DDX42: variants seen among roughly 807,000 people sequenced by gnomAD.
The protein encoded by DDX42 is ATP-dependent RNA helicase DDX42.
Under a neutral mutation model 101.5 loss-of-function variants are expected in DDX42, and 22 were observed. The observed-to-expected ratio is 0.22, with a 90% CI of 0.15 to 0.31. The LOEUF (loss-of-function observed/expected upper bound fraction) is 0.31. Ranked by LOEUF, DDX42 falls within the 10% of genes least tolerant of loss-of-function variation. The pLI, the probability that DDX42 is intolerant of heterozygous loss-of-function variation, is 1.00. For missense variants in DDX42, 849 were observed against 1,199.9 expected (o/e 0.71, Z 4.32); for synonymous variants, 402 against 401.2 (o/e 1.00, Z -0.02).
chr17:63,811,995 C>T lies in DDX42; in HGVS notation c.1462C>T (p.Leu488Phe). Residue 488 changes from leucine (L) to phenylalanine (F), a missense_variant, in exon 14 of 18, where the codon CTT (leucine) becomes TTT (phenylalanine). By Grantham distance (22) the Leu-to-Phe change is conservative. Around this residue, in one of 5 missense-constraint regions of DDX42, gnomAD observed 370 missense variants for 608.8 expected, o/e 0.61. Transcript: ENST00000389924. ...LHSGPSKWNW[L>F]TRRLVEFTSS... ...TTCTGGACCTAGTAAATGGAACTGG[C>T]TTACCCGGCGTCTGGTAGAATTTAC... 4 of 1,614,210 alleles carry T rather than the reference C, an allele frequency of 2.5e-6. No individual in the cohort carries two copies. The highest frequency in any genetic ancestry group is 1.1e-5 in the South Asian group (1 of 91,082).
Position 63,813,244 on chromosome 17 carries a change from T to G in DDX42, c.1692T>G (p.Ile564Met), listed in dbSNP as rs1567745766. Reference sequence around the variant, plus strand: ...TTATTTCAGCCCGTGGTCTGGACATTCCTTCAATTAAGACTGTCATTAACT... The same window carrying G: ...TTATTTCAGCCCGTGGTCTGGACATGCCTTCAATTAAGACTGTCATTAACT... ...ATDVAARGLDIPSIKTVINYD... is the reference protein window; with the variant it reads ...ATDVAARGLDMPSIKTVINYD... Residue 564 changes from isoleucine (I) to methionine (M), a missense_variant, in exon 15 of 18, where the codon ATT becomes ATG. Around this residue, in one of 5 missense-constraint regions of DDX42, gnomAD observed 370 missense variants for 608.8 expected, o/e 0.61. Coordinates refer to ENST00000389924, the MANE Select transcript of DDX42 (RefSeq NM_203499.3). 6.2e-7 allele frequency: 1 copy of G among 1,606,748 alleles called. No homozygotes were observed. Among genetic ancestry groups the G allele is most frequent in the Admixed American group, 1.7e-5 (1 of 59,650 alleles).
chr17:63,783,372 G>T (rs945318345), intron 1 of DDX42, among the ~76,000 whole-genome samples: 2 of 151,998 alleles, frequency 1.3e-5, no homozygotes, highest in Non-Finnish European at 2.9e-5. Flanking sequence ...TCCTTTCTTT[G>T]CCTTCTCATC....
In DDX42 at chr17:63,787,124, A is replaced by G. The variant is rs1187229282; in HGVS notation, c.75A>G (p.Lys25=). 6.2e-7 allele frequency: 1 copy of G among 1,614,100 alleles called. No individual in the cohort carries two copies. The highest frequency in any genetic ancestry group is 1.3e-5 in the African/African-American group (1 of 74,934). The part of the protein sequence containing the change: ...GFGGFAISAG[K]KEEPKLPQQS... ...GAGGTTTTGCCATCAGTGCTGGGAA[A>G]AAGGAGGAACCCAAACTCCCACAGC... is the stretch of plus-strand genomic sequence containing the variant. Residue 25 remains lysine, a synonymous_variant, in exon 2 of 18, where the codon AAA becomes AAG. Coordinates refer to ENST00000389924, the MANE Select transcript of DDX42 (RefSeq NM_203499.3).
intron 2 of DDX42, among the ~76,000 whole-genome samples, chr17:63,790,487 A>C (rs576103187): frequency 2.0e-5 from 3 of 152,072 alleles, no homozygotes; most frequent in Admixed American, 6.6e-5. Context: ...TGGTCTGGGC[A>C]TGGTGGCTCA....
intron 8 of DDX42, among the ~76,000 whole-genome samples, chr17:63,807,337 C>T (rs1267322592): frequency 6.6e-6 from 1 of 152,152 alleles, no homozygotes; most frequent in Non-Finnish European, 1.5e-5. Context: ...GATAGGGTTT[C>T]ACCGTGTTGC....
intron 5 of DDX42, 197 bp from the exon 6 acceptor site, chr17:63,800,271 A>C (rs991934286): frequency 7.3e-6 from 4 of 547,408 alleles, no homozygotes; most frequent in Non-Finnish European, 9.6e-6. Context: ...TAATAGTACT[A>C]ACTGTTTAAT....
At chr17:63,798,943 G>T (rs184726309) in intron 4 of DDX42, among the ~76,000 whole-genome samples, 1 of 151,586 alleles carries the variant, frequency 6.6e-6, no homozygotes, top group Admixed American at 6.6e-5. Context: ...AGCGCTCTAG[G>T]TTAGGCAGAA....
At chr17:63,777,739 T>A (rs2039438588) in intron 1 of DDX42, among the ~76,000 whole-genome samples, 1 of 152,066 alleles carries the variant, frequency 6.6e-6, no homozygotes, top group African/African-American at 2.4e-5. Context: ...TGAGCCACCG[T>A]GCCCAGCCAG....
intron 17 of DDX42, 110 bp downstream of exon 17, chr17:63,817,076 T>C (rs2039985795): frequency 3.7e-6 from 3 of 818,276 alleles, no homozygotes; most frequent in Non-Finnish European, 3.9e-6. Flanking sequence ...GATGCTAGAT[T>C]TAGGGTCTTC....
chr17:63,799,774 C>T (rs1351117011), intron 5 of DDX42, 149 bp downstream of exon 5: 1 of 705,070 alleles, frequency 1.4e-6, no homozygotes, highest in Admixed American at 3.0e-5. Flanking sequence ...CCTGTGTGAC[C>T]AATTGGTAAT....
At chr17:63,814,126 G>C (rs563650093) in intron 15 of DDX42, among the ~76,000 whole-genome samples, 1 of 152,166 alleles carries the variant, frequency 6.6e-6, no homozygotes, top group South Asian at 2.1e-4. Flanking sequence ...GATTACAGGC[G>C]TGAGCCACCG....
chr17:63,807,587 C>T, intron 8 of DDX42, 137 bp from the exon 9 acceptor site: 1 of 671,054 alleles, frequency 1.5e-6, no homozygotes, highest in Non-Finnish European at 2.5e-6. Context: ...ATTTCACAAC[C>T]AGTATGCATA....
At chr17:63,786,157 C>A (rs961057449) in intron 1 of DDX42, among the ~76,000 whole-genome samples, 4 of 152,118 alleles carry the variant, frequency 2.6e-5, no homozygotes, top group African/African-American at 9.7e-5. Context: ...AAAACAATTT[C>A]TTCAGTGTTT....
intron 1 of DDX42, among the ~76,000 whole-genome samples, chr17:63,781,251 ACT>A (rs2039484476): frequency 1.3e-5 from 2 of 151,612 alleles, no homozygotes; most frequent in Non-Finnish European, 2.9e-5. Flanking sequence ...AGAGTCTCGC[ACT>A]CTCGCCCAGG....
At chr17:63,797,053 A>G (rs2039701820) in intron 3 of DDX42, among the ~76,000 whole-genome samples, 2 of 152,200 alleles carry the variant, frequency 1.3e-5, no homozygotes, top group African/African-American at 4.8e-5. Context: ...TTTCAAATGT[A>G]TAATGCAAAT....
At chr17:63,807,221 A>G (rs2039853439) in intron 8 of DDX42, among the ~76,000 whole-genome samples, 1 of 152,162 alleles carries the variant, frequency 6.6e-6, no homozygotes, top group Admixed American at 6.5e-5. Context: ...GCTCACTGCA[A>G]TCTCTGCCTC....
At chr17:63,792,698 C>G (rs1235055805) in intron 3 of DDX42, 136 bp downstream of exon 3, 1 of 902,232 alleles carries the variant, frequency 1.1e-6, no homozygotes, top group Non-Finnish European at 1.6e-6. Flanking sequence ...CTCCAGTAGT[C>G]TATAGTTGCA....
rs762282554 is a variant in DDX42, at chr17:63,816,872, G to A, written c.2018G>A (p.Arg673Gln). The A allele has an allele frequency of 1.3e-5, 21 of 1,610,376 alleles. No individual in the cohort carries two copies. Among genetic ancestry groups the A allele is most frequent in the Admixed American group, 5.0e-5 (3 of 59,430 alleles). ...TAGATGTGTTTATTTTTTTAGGATC[G>A]AGGAAATAACAATGTAATGAGCAAT... Reference protein sequence around the residue: ...RPGLGSENMDRGNNNVMSNYE... With the variant: ...RPGLGSENMDQGNNNVMSNYE... The change falls in exon 17 of 18, where the codon CGA (arginine) becomes CAA (glutamine). Residue 673 changes from arginine to glutamine, a missense_variant. Coordinates refer to ENST00000389924, the MANE Select transcript of DDX42 (RefSeq NM_203499.3).
Position 63,774,228 on chromosome 17 carries a change from C to CGGT in DDX42, c.-163_-162insTGG, listed in dbSNP as rs1182480576. ...GCGGTGGCGGTGGTGGCGGTGGCGG[C>CGGT]GGCGGTGGTGGTGGTGGCGGCGGCG... is the stretch of plus-strand genomic sequence containing the variant. On this transcript the variant is annotated 5_prime_UTR_variant, in exon 1 of 18. Coordinates refer to ENST00000389924, the MANE Select transcript of DDX42 (RefSeq NM_203499.3). The CGGT allele has an allele frequency of 2.1e-4, 50 of 234,812 alleles. No individual in the cohort carries two copies. Among genetic ancestry groups the CGGT allele is most frequent in the African/African-American group, 7.3e-4 (25 of 34,368 alleles). The allele number at this position is 234,812 out of a possible 1,614,324, so 14.5% of individuals were successfully genotyped here.
Sources: gnomAD v4.1 joint callset for allele counts (sites outside exome capture counted in the v4.1 genomes callset) on GRCh38, gnomAD v4.1.1 for gene constraint, gnomAD v4.1.1 regional missense constraint, MANE v1.5 for transcripts, NCBI Gene and HGNC (gene_info 2026-07-23, HGNC 2026-07-21) for gene names.